DNAJC15: variants seen among roughly 807,000 people sequenced by gnomAD.
The protein encoded by DNAJC15 is dnaJ homolog subfamily C member 15.
In DNAJC15, 27 loss-of-function variants were observed where a neutral mutation model predicts 22.4. The ratio of observed to expected loss-of-function variants is 1.20; its 90% CI spans 0.89 to 1.66. The LOEUF (loss-of-function observed/expected upper bound fraction) is 1.66, where lower values mean the gene tolerates loss of function less well. Among genes scored for constraint, DNAJC15 ranks in the 40% most tolerant of loss-of-function variants. DNAJC15 has a pLI of 0.00. For synonymous variants in DNAJC15, 79 were observed against 63.2 expected (o/e 1.25, Z -1.19); for missense variants, 208 against 187.1 (o/e 1.11, Z -0.65).
intron 1 of DNAJC15, among the ~76,000 whole-genome samples, chr13:43,045,695 C>T (rs926906939): frequency 2.0e-5 from 3 of 152,156 alleles, no homozygotes; most frequent in Non-Finnish European, 4.4e-5. Context: ...GCCAGGCTGC[C>T]TGTCTTTGAT....
intron 1 of DNAJC15, among the ~76,000 whole-genome samples, chr13:43,027,017 A>G (rs2040383611): frequency 6.6e-6 from 1 of 152,256 alleles, no homozygotes; most frequent in Admixed American, 6.5e-5. Context: ...TAGGCAAAAT[A>G]TGTAGCATCT....
chr13:43,094,844 C>T (rs372101454), intron 5 of DNAJC15, among the ~76,000 whole-genome samples: 4 of 152,288 alleles, frequency 2.6e-5, no homozygotes, highest in African/African-American at 9.6e-5. Context: ...CTTCTAATTT[C>T]TTGCGTTCCA....
intron 3 of DNAJC15, among the ~76,000 whole-genome samples, chr13:43,072,265 A>G (rs2040612714): frequency 6.6e-6 from 1 of 152,088 alleles, no homozygotes; most frequent in Admixed American, 6.5e-5. Flanking sequence ...ATTCTTAGTG[A>G]GCCCTAACTT....
intron 3 of DNAJC15, among the ~76,000 whole-genome samples, chr13:43,077,521 A>G (rs2040639204): frequency 6.6e-6 from 1 of 152,206 alleles, no homozygotes; most frequent in African/African-American, 2.4e-5. Context: ...GGAAGTGAGC[A>G]TATATATAAG....
chr13:43,066,818 C>A (rs998843657), intron 2 of DNAJC15, among the ~76,000 whole-genome samples: 2 of 152,018 alleles, frequency 1.3e-5, no homozygotes, highest in African/African-American at 4.8e-5. Context: ...TATAAAAATA[C>A]AAAATTTAGC....
chr13:43,056,676 T>A (rs1389071598), intron 1 of DNAJC15, among the ~76,000 whole-genome samples: 1 of 152,180 alleles, frequency 6.6e-6, no homozygotes, highest in African/African-American at 2.4e-5. Flanking sequence ...TTAGGTCTAA[T>A]AGTAAATTTG....
chr13:43,070,391 A>T (rs1322694407), intron 3 of DNAJC15, among the ~76,000 whole-genome samples: 1 of 152,120 alleles, frequency 6.6e-6, no homozygotes. Flanking sequence ...AGACAGTGGG[A>T]TATAGTTATG....
In DNAJC15 at chr13:43,110,295, A is replaced by G. The variant is rs543536264; in HGVS notation, c.*3047A>G. ...GAGTGGTCGGTCTGAGAGACAAAAA[A>G]TGGAAGCTGCCAAATTGTTCTGGGT... On this transcript the variant is annotated 3_prime_UTR_variant, in exon 6 of 6. Transcript: ENST00000379221. 6.6e-6 allele frequency: 1 copy of G among 152,348 alleles called. No individual in the cohort carries two copies. The highest frequency in any genetic ancestry group is 6.5e-5 in the Admixed American group (1 of 15,298). 9.4% of individuals were successfully genotyped at this position (152,348 alleles called of 1,614,324 possible).
chr13:43,084,512 G>A (rs1468601940), intron 4 of DNAJC15, among the ~76,000 whole-genome samples: 1 of 152,038 alleles, frequency 6.6e-6, no homozygotes, highest in Non-Finnish European at 1.5e-5. Flanking sequence ...ATTATGTTGT[G>A]GTTCATCCAT....
At chr13:43,090,159 T>C (rs2040707252) in intron 5 of DNAJC15, among the ~76,000 whole-genome samples, 1 of 152,216 alleles carries the variant, frequency 6.6e-6, no homozygotes, top group Non-Finnish European at 1.5e-5. Flanking sequence ...GAGGGCCCCC[T>C]TAACAGCATA....
intron 1 of DNAJC15, among the ~76,000 whole-genome samples, chr13:43,030,364 A>G (rs1160901832): frequency 2.6e-5 from 4 of 152,228 alleles, no homozygotes; most frequent in South Asian, 2.1e-4. Context: ...GATAGTAACC[A>G]TTTCAGGCTC....
intron 5 of DNAJC15, among the ~76,000 whole-genome samples, chr13:43,096,465 A>G (rs575151990): frequency 1.3e-5 from 2 of 152,320 alleles, no homozygotes; most frequent in East Asian, 3.9e-4. Flanking sequence ...ATGGATACTG[A>G]CAAACCAAAT....
At chr13:43,077,091 G>A (rs1163379417) in intron 3 of DNAJC15, among the ~76,000 whole-genome samples, 4 of 152,128 alleles carry the variant, frequency 2.6e-5, no homozygotes, top group Non-Finnish European at 5.9e-5. Context: ...GTACACTAAT[G>A]ACTCTCAAAT....
At chr13:43,024,489 G>A (rs954080808) in intron 1 of DNAJC15, among the ~76,000 whole-genome samples, 7 of 151,750 alleles carry the variant, frequency 4.6e-5, no homozygotes, top group East Asian at 3.9e-4. Context: ...GACTACAGGC[G>A]CCTGCCACCA....
intron 1 of DNAJC15, among the ~76,000 whole-genome samples, chr13:43,031,801 T>C (rs1329122802): frequency 6.6e-6 from 1 of 152,232 alleles, no homozygotes; most frequent in East Asian, 1.9e-4. Context: ...TCTGTGCTCT[T>C]ATTCAGAATA....
intron 1 of DNAJC15, among the ~76,000 whole-genome samples, chr13:43,065,244 T>C (rs1381055130): frequency 2.0e-5 from 3 of 152,230 alleles, no homozygotes; most frequent in Non-Finnish European, 2.9e-5. Flanking sequence ...GTTTGGAAGC[T>C]TGACTTCTTT....
At position 43,110,504 on chromosome 13, in the gene DNAJC15, AAGTC is replaced by A. The variant is rs1217447653; in HGVS notation, c.*3259_*3262del. On this transcript the variant is annotated 3_prime_UTR_variant, in exon 6 of 6. Transcript: ENST00000379221. The stretch of plus-strand genomic sequence containing the variant: ...TCTGTGAAGGCATTACTTAAGAACA[AAGTC>A]AGGCATGTATAATTGAACTACAGTT... 1 of 152,178 alleles carries A rather than the reference AAGTC, an allele frequency of 6.6e-6. No homozygotes were observed. The highest frequency in any genetic ancestry group is 2.4e-5 in the African/African-American group (1 of 41,436). 9.4% of individuals were successfully genotyped at this position (152,178 alleles called of 1,614,324 possible).
chr13:43,082,145 AACC>A (rs2040664882), intron 4 of DNAJC15, among the ~76,000 whole-genome samples: 1 of 151,998 alleles, frequency 6.6e-6, no homozygotes, highest in Non-Finnish European at 1.5e-5. Flanking sequence ...GACAGAGCCA[AACC>A]ATATCACTAT....
chr13:43,037,988 A>G (rs2040436429), intron 1 of DNAJC15, among the ~76,000 whole-genome samples: 1 of 152,226 alleles, frequency 6.6e-6, no homozygotes, highest in Admixed American at 6.5e-5. Flanking sequence ...ATTCCTCAAT[A>G]ATATATTTAA....
Sources: gnomAD v4.1 joint callset for allele counts (sites outside exome capture counted in the v4.1 genomes callset) on GRCh38, gnomAD v4.1.1 for gene constraint, MANE v1.5 for transcripts, NCBI Gene and HGNC (gene_info 2026-07-23, HGNC 2026-07-21) for gene names.